Variants in VPS54 observed in about 807,000 individuals in gnomAD.
VPS54 encodes the protein VPS54 subunit of GARP complex, also known as vacuolar protein sorting-associated protein 54.
Under a neutral mutation model 121.5 loss-of-function variants are expected in VPS54, and 45 were observed. That is an observed-to-expected ratio of 0.37 (90% confidence interval 0.29 to 0.47). VPS54 has a LOEUF of 0.47. VPS54 is among the 20% of genes least tolerant of loss of function. VPS54 has a pLI of 0.99. For synonymous variants in VPS54, 371 were observed against 385.8 expected (o/e 0.96, Z 0.45); for missense variants, 1,090 against 1,131.4 (o/e 0.96, Z 0.52).
chr2:63,976,900 C>G (rs180896891), intron 3 of VPS54, among the ~76,000 whole-genome samples: 316 of 143,448 alleles, frequency 2.2e-3, no homozygotes, highest in Middle Eastern at 4.0e-3. Flanking sequence ...ACGATCTCAG[C>G]TCACTGCAAC....
intron 1 of VPS54, among the ~76,000 whole-genome samples, chr2:64,009,068 G>A (rs1332238677): frequency 6.6e-6 from 1 of 152,106 alleles, no homozygotes; most frequent in African/African-American, 2.4e-5. Context: ...TAAGTTTCAT[G>A]CCTCTGTCTC....
intron 1 of VPS54, among the ~76,000 whole-genome samples, chr2:63,995,828 G>A (rs1281797019): frequency 6.6e-6 from 1 of 152,196 alleles, no homozygotes; most frequent in African/African-American, 2.4e-5. Context: ...TCTGGGTAGG[G>A]AAGATAATTT....
At chr2:63,963,155 A>G (rs963617923) in intron 6 of VPS54, among the ~76,000 whole-genome samples, 2 of 152,036 alleles carry the variant, frequency 1.3e-5, no homozygotes, top group Non-Finnish European at 2.9e-5. Flanking sequence ...CAGGCTGCTT[A>G]TTTTACATTT....
chr2:64,000,857 G>C (rs1392760993), intron 1 of VPS54, among the ~76,000 whole-genome samples: 1 of 152,100 alleles, frequency 6.6e-6, no homozygotes, highest in East Asian at 1.9e-4. Context: ...CTCACCCAAG[G>C]CCCACCGTAA....
intron 3 of VPS54, among the ~76,000 whole-genome samples, chr2:63,977,092 G>A (rs1676572886): frequency 6.6e-6 from 1 of 152,074 alleles, no homozygotes. Context: ...GCCTCCCAAA[G>A]TGCTGGGATT....
intron 7 of VPS54, among the ~76,000 whole-genome samples, chr2:63,957,213 C>T (rs1055978736): frequency 2.0e-5 from 3 of 151,920 alleles, no homozygotes; most frequent in South Asian, 2.1e-4. Context: ...GAGGCCAAGG[C>T]GGGCGGATCA....
At chr2:63,991,843 C>T (rs1299699824) in intron 1 of VPS54, among the ~76,000 whole-genome samples, 1 of 152,216 alleles carries the variant, frequency 6.6e-6, no homozygotes, top group African/African-American at 2.4e-5. Context: ...CTACAGTCAA[C>T]CCAGATGGGT....
chr2:63,907,184 T>C (rs1031712156), intron 20 of VPS54, among the ~76,000 whole-genome samples: 7 of 151,920 alleles, frequency 4.6e-5, no homozygotes, highest in African/African-American at 1.5e-4. Flanking sequence ...AATAACATTC[T>C]AGAAAAAAAA....
At chr2:63,926,860 A>G (rs188386886) in intron 12 of VPS54, among the ~76,000 whole-genome samples, 22 of 152,240 alleles carry the variant, frequency 1.4e-4, no homozygotes, top group Non-Finnish European at 2.6e-4. Flanking sequence ...GGTGGGTCCC[A>G]CACCCACGGA....
chr2:63,969,795 G>C (rs929452752), intron 4 of VPS54, among the ~76,000 whole-genome samples: 1 of 152,086 alleles, frequency 6.6e-6, no homozygotes, highest in Admixed American at 6.6e-5. Context: ...TCAAGTTTTG[G>C]TAAGACTGAA....
chr2:63,983,578 G>A (rs958614189), intron 2 of VPS54, among the ~76,000 whole-genome samples: 31 of 151,404 alleles, frequency 2.0e-4, no homozygotes, highest in Middle Eastern at 6.8e-3. Flanking sequence ...GAGTAGCTGA[G>A]ACTACAGGCG....
chr2:63,908,730 C>T (rs922000877), intron 20 of VPS54, among the ~76,000 whole-genome samples: 1 of 152,150 alleles, frequency 6.6e-6, no homozygotes, highest in Admixed American at 6.5e-5. Context: ...TTTACTAGAA[C>T]TTGCTATAGT....
At chr2:63,945,016 A>T (rs1674913357) in intron 9 of VPS54, among the ~76,000 whole-genome samples, 1 of 152,230 alleles carries the variant, frequency 6.6e-6, no homozygotes, top group African/African-American at 2.4e-5. Flanking sequence ...ATACCATTCA[A>T]TCCAGCAATC....
At position 63,983,845 on chromosome 2, in the gene VPS54, C is replaced by CAA. The variant is rs746887655; in HGVS notation, c.136+17_136+18dup. The CAA allele has an allele frequency of 5.9e-5, 72 of 1,213,422 alleles. No individual in the cohort carries two copies. Among genetic ancestry groups the CAA allele is most frequent in the South Asian group, 2.3e-4 (15 of 65,470 alleles). The allele number at this position is 1,213,422 out of a possible 1,614,324, so 75.2% of individuals were successfully genotyped here. A position where few individuals can be genotyped will look rare whatever the true frequency, so the allele number is the denominator to read the frequency against. On this transcript the variant is annotated intron_variant, in intron 2 of 22. Transcript: ENST00000272322. ...ATAGAAATCATCAGTAAAAATCCTA[C>CAA]AAAAAAAAAAAGCATTACCTGTGGG... is the stretch of plus-strand genomic sequence containing the variant.
At chr2:64,018,087 A>G (rs1274622404) in intron 1 of VPS54, among the ~76,000 whole-genome samples, 2 of 152,234 alleles carry the variant, frequency 1.3e-5, no homozygotes, top group African/African-American at 4.8e-5. Flanking sequence ...TCGGTATACT[A>G]CAAGTAATTT....
chr2:63,899,526 AT>A lies in VPS54; in HGVS notation c.2680del (p.Met894Ter). On this transcript the variant is annotated frameshift_variant, in exon 21 of 23. Coordinates refer to ENST00000272322, the MANE Select transcript of VPS54 (RefSeq NM_016516.3). LOFTEE classifies it high-confidence loss of function. ...SACFRNICKQ[M>X]TKMHEAIFDL... ...AAATATAGCTTCGTGCATTTTTGTCATTTGCTTACAAATATTCCTGAAACAG... is the reference window on the plus strand; with the variant it reads ...AAATATAGCTTCGTGCATTTTTGTCATTGCTTACAAATATTCCTGAAACAG... The A allele has an allele frequency of 6.2e-7, 1 of 1,613,854 alleles. No individual in the cohort carries two copies. The highest frequency in any genetic ancestry group is 8.5e-7 in the Non-Finnish European group (1 of 1,179,944).
chr2:63,979,262 C>T (rs1160235661), intron 3 of VPS54, among the ~76,000 whole-genome samples: 10 of 140,140 alleles, frequency 7.1e-5, no homozygotes, highest in South Asian at 2.3e-4. Context: ...TTTTTGGAGA[C>T]GGAGTCTCGC....
intron 1 of VPS54, among the ~76,000 whole-genome samples, chr2:64,007,436 T>C (rs917701902): frequency 1.3e-5 from 2 of 152,232 alleles, no homozygotes; most frequent in African/African-American, 4.8e-5. Flanking sequence ...AAAGAATATC[T>C]GGCTTGACTT....
intron 11 of VPS54, among the ~76,000 whole-genome samples, chr2:63,938,708 A>G (rs1297835985): frequency 1.3e-5 from 2 of 151,972 alleles, no homozygotes; most frequent in African/African-American, 4.8e-5. Context: ...CAGGTGATCC[A>G]CCCACCTCAG....
Sources: allele counts gnomAD v4.1 joint callset (sites outside exome capture counted in the v4.1 genomes callset), GRCh38; gene constraint gnomAD v4.1.1; transcripts MANE v1.5; gene names NCBI Gene and HGNC (gene_info 2026-07-23, HGNC 2026-07-21).